TFDP1: variants seen among roughly 807,000 people sequenced by gnomAD.
TFDP1 encodes transcription factor Dp-1, also known as DRTF1-polypeptide 1.
TFDP1 carries 6 observed loss-of-function variants against 48.0 expected under a neutral mutation model. The ratio of observed to expected loss-of-function variants is 0.13; its 90% confidence interval spans 0.07 to 0.25. TFDP1 has a LOEUF of 0.25. TFDP1 is among the 10% of genes least tolerant of loss of function. TFDP1 has a pLI of 1.00. For synonymous variants in TFDP1, 201 were observed against 211.6 expected, an observed-to-expected ratio of 0.95 and a Z score of 0.44; for missense variants, 335 against 543.0, an observed-to-expected ratio of 0.62 and a Z score of 3.81.
Position 113,640,187 on chromosome 13 carries a change from A to G in TFDP1, c.1153A>G (p.Arg385Gly), listed in dbSNP as rs1594551244. ...CAATGGGTCTCAGTACAGCGGCTCC[A>G]GGGTGGAGACTCCGGTGTCCTACGT... ...SSNGSQYSGS[R>G]VETPVSYVGE... Residue 385 changes from arginine to glycine, a missense_variant, in exon 12 of 12, where the codon AGG becomes GGG. Around this residue, in one of 3 missense-constraint regions of TFDP1, gnomAD observed 204 missense variants for 287.1 expected, o/e 0.71. Coordinates refer to ENST00000375370, the MANE Select transcript of TFDP1 (RefSeq NM_007111.5). The G allele has an allele frequency of 6.2e-7, 1 of 1,613,378 alleles. No individual in the cohort carries two copies. The highest frequency in any genetic ancestry group is 1.7e-5 in the Admixed American group (1 of 59,868).
chr13:113,603,753 G>A lies in TFDP1; in HGVS notation c.13-7243G>A, dbSNP rs188211781. On this transcript the variant is annotated intron_variant, in intron 2 of 11. Transcript: ENST00000375370. ...AATTAAGGTTAGTTTTAGCCAAGGA[G>A]CACCTTTGCTGTTGGCTTATATGTT... is the stretch of plus-strand genomic sequence containing the variant. Among the ~76,000 whole-genome samples, 149 of 152,274 alleles carry A rather than the reference G, an allele frequency of 9.8e-4. 4 individuals are homozygous for A. In the South Asian group the frequency reaches 0.021, roughly 21 times the overall value.
chr13:113,585,565 G>C (rs947192341), intron 1 of TFDP1: 2 of 356,250 alleles, frequency 5.6e-6, no homozygotes, highest in Non-Finnish European at 1.0e-5. Context: ...GGGCCCGCGG[G>C]CCACTTTTCC....
intron 3 of TFDP1, among the ~76,000 whole-genome samples, chr13:113,612,121 C>A (rs1286112787): frequency 6.6e-6 from 1 of 152,216 alleles, no homozygotes; most frequent in Non-Finnish European, 1.5e-5. Flanking sequence ...ACCAGGCCCC[C>A]ACCTCTCTGC....
chr13:113,632,754 C>T (rs1010889465), intron 5 of TFDP1, among the ~76,000 whole-genome samples: 2 of 152,156 alleles, frequency 1.3e-5, no homozygotes, highest in African/African-American at 2.4e-5. Flanking sequence ...CTCCAGCCCA[C>T]GACAGAGCGA....
intron 3 of TFDP1, among the ~76,000 whole-genome samples, chr13:113,614,081 A>G (rs2048791296): frequency 6.7e-6 from 1 of 148,908 alleles, no homozygotes; most frequent in Non-Finnish European, 1.5e-5. Context: ...TGTGTGCATG[A>G]GATGTATGTG....
chr13:113,624,298 G>A (rs555276291), intron 4 of TFDP1, among the ~76,000 whole-genome samples: 68 of 152,220 alleles, frequency 4.5e-4, no homozygotes, highest in African/African-American at 1.5e-3. Context: ...CTGTCACCAG[G>A]TGTCTCTCAG....
chr13:113,596,922 G>A (rs905171213), intron 2 of TFDP1, among the ~76,000 whole-genome samples: 4 of 152,178 alleles, frequency 2.6e-5, no homozygotes, highest in Non-Finnish European at 2.9e-5. Context: ...GAAAGGCTGC[G>A]CGTCCCCTCG....
chr13:113,590,964 C>G lies in TFDP1; in HGVS notation c.12+5115C>G, dbSNP rs2048125319. 2.2e-5 allele frequency among the ~76,000 whole-genome samples: 3 copies of G among 138,148 alleles called. No homozygotes were observed. In the South Asian group the frequency reaches 6.7e-4, roughly 31 times the overall value. The allele number at this position is 138,148 out of a possible 152,430, so 90.6% of individuals were successfully genotyped here. ...GGCGGAGCTTGCAGTGAGCAGAGAT[C>G]ACGCCACTGCACTCCAGCCTGGGCG... is the stretch of plus-strand genomic sequence containing the variant. On this transcript the variant is annotated intron_variant, in intron 2 of 11. Coordinates refer to ENST00000375370, the MANE Select transcript of TFDP1 (RefSeq NM_007111.5).
intron 2 of TFDP1, among the ~76,000 whole-genome samples, chr13:113,605,183 G>T (rs1448127185): frequency 1.3e-5 from 2 of 152,012 alleles, no homozygotes; most frequent in Admixed American, 1.3e-4. Context: ...TGTCCTTGGG[G>T]GTCACCTTCC....
rs574938649 is a variant in TFDP1, at chr13:113,633,753, G to A, written c.475-137G>A. 2.5e-4 allele frequency: 257 copies of A among 1,009,640 alleles called. No homozygotes were observed. In the African/African-American group the frequency reaches 3.8e-3, roughly 15 times the overall value. 62.5% of individuals were successfully genotyped at this position (1,009,640 alleles called of 1,614,324 possible). A position where few individuals can be genotyped will look rare whatever the true frequency, so the allele number is the denominator to read the frequency against. On this transcript the variant is annotated intron_variant, in intron 6 of 11. Transcript: ENST00000375370. This position sits in a 1 kb window ranked among gnomAD's most constrained non-coding sequence, Gnocchi z 4.5. ...TTGCCCTGCGTCATCTGTGGGGTGG[G>A]AGCGCTCCCTGAGGGCATGTTGGGG...
chr13:113,603,726 G>A (rs1049170251), intron 2 of TFDP1, among the ~76,000 whole-genome samples: 5 of 152,292 alleles, frequency 3.3e-5, no homozygotes, highest in Middle Eastern at 3.4e-3. Flanking sequence ...TTTTCTAATA[G>A]AAATTAAGGT....
intron 3 of TFDP1, among the ~76,000 whole-genome samples, chr13:113,617,607 A>G (rs376763034): frequency 6.9e-4 from 59 of 85,804 alleles, no homozygotes; most frequent in Middle Eastern, 8.8e-3. Context: ...CACCTGCAGA[A>G]CCCTTCACCT....
At position 113,623,549 on chromosome 13, in the gene TFDP1, G is replaced by C. The variant is rs993990411; in HGVS notation, c.186+263G>C. Among the ~76,000 whole-genome samples the C allele has an allele frequency of 1.2e-4, 18 of 152,254 alleles. No homozygotes were observed. Among genetic ancestry groups the C allele is most frequent in the African/African-American group, 4.3e-4 (18 of 41,540 alleles). On this transcript the variant is annotated intron_variant, in intron 4 of 11. Coordinates refer to ENST00000375370, the MANE Select transcript of TFDP1 (RefSeq NM_007111.5). The surrounding 1 kb of genome is among the most constrained non-coding windows in gnomAD (Gnocchi z 5.2). ...CATGCCATCCTTCCAGTAACTGGAGGGTGGTGGGTGGGGCCGCGGCCCCAA... is the reference window on the plus strand; with the variant it reads ...CATGCCATCCTTCCAGTAACTGGAGCGTGGTGGGTGGGGCCGCGGCCCCAA...
intron 4 of TFDP1, among the ~76,000 whole-genome samples, chr13:113,625,707 G>A (rs139058101): frequency 2.6e-5 from 3 of 114,500 alleles, no homozygotes; most frequent in Admixed American, 8.9e-5. Flanking sequence ...TCTCTCAGGC[G>A]TCTCTCACAT....
chr13:113,630,183 G>T (rs941270591), intron 4 of TFDP1, among the ~76,000 whole-genome samples: 2 of 134,638 alleles, frequency 1.5e-5, no homozygotes, highest in Admixed American at 1.5e-4. Flanking sequence ...ACACACACAC[G>T]CGTATTGAAC....
In TFDP1 at chr13:113,607,347, A is replaced by G. The variant is rs73577440; in HGVS notation, c.13-3649A>G. Among the ~76,000 whole-genome samples, 646 of 152,366 alleles carry G rather than the reference A, an allele frequency of 4.2e-3. 4 individuals carry two copies. The highest frequency in any genetic ancestry group is 0.015 in the African/African-American group (618 of 41,588). ...ACCTGGGCATGTGGCTGGTGGAACC[A>G]GCAGGCCAAGGCTGTGGATTTTGAA... is the stretch of plus-strand genomic sequence containing the variant. On this transcript the variant is annotated intron_variant, in intron 2 of 11. Transcript: ENST00000375370. This position sits in a 1 kb window ranked among gnomAD's most constrained non-coding sequence, Gnocchi z 5.2.
rs759440170 is a variant in TFDP1 at position 113,633,795 on chromosome 13, G to A, written c.475-95G>A. Reference sequence around the variant, plus strand: ...ATGTTGGGGTGGCGGCTCCGTGAGCGGGGTGCCCCTTTGAGCCAGTGCCCA... The same window carrying A: ...ATGTTGGGGTGGCGGCTCCGTGAGCAGGGTGCCCCTTTGAGCCAGTGCCCA... On this transcript the variant is annotated intron_variant, in intron 6 of 11. Coordinates refer to ENST00000375370, the MANE Select transcript of TFDP1 (RefSeq NM_007111.5). This position sits in a 1 kb window ranked among gnomAD's most constrained non-coding sequence, Gnocchi z 4.5. The A allele has an allele frequency of 2.1e-5, 30 of 1,451,712 alleles. No individual in the cohort carries two copies. In the East Asian group the frequency reaches 2.7e-4, roughly 13 times the overall value. 89.9% of individuals were successfully genotyped at this position (1,451,712 alleles called of 1,614,324 possible). A position where few individuals can be genotyped will look rare whatever the true frequency, so the allele number is the denominator to read the frequency against.
At chr13:113,614,259 CGT>C (rs374948148) in intron 3 of TFDP1, among the ~76,000 whole-genome samples, 9 of 149,054 alleles carry the variant, frequency 6.0e-5, no homozygotes, top group Non-Finnish European at 1.0e-4. Context: ...TCTGATTGTG[CGT>C]GTGTGTGAGT....
At chr13:113,624,421 C>A (rs1005660677) in intron 4 of TFDP1, among the ~76,000 whole-genome samples, 2 of 150,836 alleles carry the variant, frequency 1.3e-5, no homozygotes, top group East Asian at 4.0e-4. Context: ...GGTGTCCTCA[C>A]GTGTCTCTCA....
Sources: gnomAD v4.1 joint callset for allele counts (sites outside exome capture counted in the v4.1 genomes callset) on GRCh38, gnomAD v4.1.1 for gene constraint, gnomAD v4.1.1 regional missense constraint, Gnocchi (gnomAD v3.1) non-coding constraint, MANE v1.5 for transcripts, NCBI Gene and HGNC (gene_info 2026-07-23, HGNC 2026-07-21) for gene names.